Variants in SETDB2 observed in about 807,000 individuals in gnomAD.
SETDB2 encodes the protein SET domain bifurcated histone lysine methyltransferase 2.
In SETDB2, 56 loss-of-function variants were observed where a neutral mutation model predicts 82.5. The ratio of observed to expected loss-of-function variants is 0.68; its 90% CI spans 0.55 to 0.85. The LOEUF is 0.85. Among genes scored for constraint, SETDB2 ranks in the 40% least tolerant of loss-of-function variants. The pLI, the probability that SETDB2 is intolerant of heterozygous loss-of-function variation, is 0.00. For missense variants in SETDB2, 677 were observed against 816.4 expected (o/e 0.83, Z 2.08); for synonymous variants, 272 against 284.9 (o/e 0.95, Z 0.46).
intron 4 of SETDB2, among the ~76,000 whole-genome samples, chr13:49,466,479 A>G (rs938178845): frequency 6.6e-6 from 1 of 151,956 alleles, no homozygotes; most frequent in Non-Finnish European, 1.5e-5. Context: ...AATGTGTAAC[A>G]TCTCAACACA....
At chr13:49,455,193 G>A (rs1455584551) in intron 2 of SETDB2, among the ~76,000 whole-genome samples, 2 of 152,078 alleles carry the variant, frequency 1.3e-5, no homozygotes, top group Non-Finnish European at 2.9e-5. Context: ...TACTTTGGTT[G>A]AACTGAATAA....
chr13:49,452,872 A>G (rs955830566), intron 2 of SETDB2, among the ~76,000 whole-genome samples: 1 of 152,180 alleles, frequency 6.6e-6, no homozygotes, highest in African/African-American at 2.4e-5. Flanking sequence ...CATCATATCA[A>G]GGGTACATGC....
chr13:49,450,935 A>G (rs961897069), intron 1 of SETDB2, among the ~76,000 whole-genome samples: 18 of 148,054 alleles, frequency 1.2e-4, no homozygotes, highest in Non-Finnish European at 6.0e-5. Flanking sequence ...TCGAATATAG[A>G]GGTTTATATT....
rs756985000 is a variant in SETDB2, at chr13:49,491,886, C to G, written c.*37C>G. The G allele has an allele frequency of 1.4e-6, 2 of 1,417,748 alleles. No individual in the cohort carries two copies. Among genetic ancestry groups the G allele is most frequent in the Non-Finnish European group, 1.0e-6 (1 of 1,002,708 alleles). 87.8% of individuals were successfully genotyped at this position (1,417,748 alleles called of 1,614,324 possible). ...ACGCCTGTTTGTGAAATTAGCTTATCAGGCTGAAATTAAAGCCATGCAAAA... is the reference window on the plus strand; with the variant it reads ...ACGCCTGTTTGTGAAATTAGCTTATGAGGCTGAAATTAAAGCCATGCAAAA... On this transcript the variant is annotated 3_prime_UTR_variant, in exon 14 of 14. Coordinates refer to ENST00000611815, the MANE Select transcript of SETDB2 (RefSeq NM_001160308.3).
chr13:49,467,892 G>C lies in SETDB2; in HGVS notation c.237G>C (p.Gln79His), dbSNP rs746914934. 3.8e-6 allele frequency: 6 copies of C among 1,595,460 alleles called. No individual in the cohort carries two copies. The highest frequency in any genetic ancestry group is 1.1e-5 in the South Asian group (1 of 89,114). ...CTATGCCTGTGACTCAGAAGGAACA[G>C]GAAAACAAATCCAATGCATTTCCCT... The part of the protein sequence containing the change: ...KDPMPVTQKE[Q>H]ENKSNAFPST... Residue 79 changes from glutamine to histidine, a missense_variant, in exon 5 of 14, where the codon CAG (glutamine) becomes CAC (histidine). Physicochemically the swap from Gln to His is conservative, Grantham distance 24. Around this residue, in one of 3 missense-constraint regions of SETDB2, gnomAD observed 243 missense variants for 237.2 expected, o/e 1.02. Transcript: ENST00000611815.
intron 2 of SETDB2, among the ~76,000 whole-genome samples, chr13:49,459,527 GTTT>G (rs960944449): frequency 2.0e-5 from 3 of 151,994 alleles, no homozygotes; most frequent in African/African-American, 7.2e-5. Flanking sequence ...ACTTATAATT[GTTT>G]TTCTTATATT....
rs755620735 is a variant in SETDB2, at chr13:49,476,943, A to AGTACAGAAAGACT, written c.776_788dup (p.Trp264GlnfsTer10). On this transcript the variant is annotated frameshift_variant, in exon 6 of 14. Transcript: ENST00000611815. LOFTEE classifies it high-confidence loss of function. ...GACAGTAGAAAGCTCCCACAGTTTA[A>AGTACAGAAAGACT]GTACAGAAAGACTGTGTGGCCTCGA... 5 of 1,614,164 alleles carry AGTACAGAAAGACT rather than the reference A, an allele frequency of 3.1e-6. No homozygotes were observed. Among genetic ancestry groups the AGTACAGAAAGACT allele is most frequent in the Non-Finnish European group, 8.5e-7 (1 of 1,180,020 alleles).
intron 11 of SETDB2, 97 bp downstream of exon 11, chr13:49,485,820 A>C (rs781460680): frequency 9.6e-7 from 1 of 1,043,070 alleles, no homozygotes; most frequent in Admixed American, 1.7e-5. Flanking sequence ...TCCATAATAA[A>C]CATGCTGCAT....
chr13:49,446,938 A>G (rs184299111), intron 1 of SETDB2, among the ~76,000 whole-genome samples: 1 of 152,208 alleles, frequency 6.6e-6, no homozygotes, highest in Middle Eastern at 3.2e-3. Context: ...TTAATAGGTC[A>G]TGCTAAATTT....
chr13:49,489,596 C>CTTTTTTTT (rs58715452), intron 12 of SETDB2, among the ~76,000 whole-genome samples: 7 of 100,558 alleles, frequency 7.0e-5, no homozygotes, highest in Admixed American at 1.4e-4. Flanking sequence ...CATATTTATT[C>CTTTTTTTT]TTTTTTTTTT....
chr13:49,485,755 T>C (rs111867984), intron 11 of SETDB2, 32 bp downstream of exon 11: 1 of 1,520,840 alleles, frequency 6.6e-7, no homozygotes, highest in Non-Finnish European at 9.1e-7. Context: ...AATGCCTACC[T>C]CTTCTGCCTG....
chr13:49,474,490 G>C (rs1354301553), intron 5 of SETDB2, among the ~76,000 whole-genome samples: 1 of 152,124 alleles, frequency 6.6e-6, no homozygotes, highest in African/African-American at 2.4e-5. Flanking sequence ...AATATGTTCT[G>C]CAACAGTATC....
chr13:49,444,461 C>G lies in SETDB2; in HGVS notation c.-738C>G, dbSNP rs1460821316. On this transcript the variant is annotated 5_prime_UTR_variant, in exon 1 of 14. Coordinates refer to ENST00000611815, the MANE Select transcript of SETDB2 (RefSeq NM_001160308.3). Reference sequence around the variant, plus strand: ...AGCCTTGCCAACGGAGCTGGCGGAGCTCACTCCTCAGGTCAGGCGGGCGGC... The same window carrying G: ...AGCCTTGCCAACGGAGCTGGCGGAGGTCACTCCTCAGGTCAGGCGGGCGGC... 1 of 177,878 alleles carries G rather than the reference C, an allele frequency of 5.6e-6. No individual in the cohort carries two copies. Among genetic ancestry groups the G allele is most frequent in the East Asian group, 1.7e-4 (1 of 5,792 alleles). 11.0% of individuals were successfully genotyped at this position (177,878 alleles called of 1,614,324 possible). A position where few individuals can be genotyped will look rare whatever the true frequency, so the allele number is the denominator to read the frequency against.
chr13:49,457,644 C>T (rs771274303), intron 2 of SETDB2, among the ~76,000 whole-genome samples: 11 of 151,986 alleles, frequency 7.2e-5, no homozygotes, highest in Non-Finnish European at 1.6e-4. Context: ...CCGTGTTGGC[C>T]AGGCATGTCT....
intron 1 of SETDB2, among the ~76,000 whole-genome samples, chr13:49,450,711 A>G (rs1488468155): frequency 2.0e-5 from 3 of 151,952 alleles, no homozygotes; most frequent in Non-Finnish European, 4.4e-5. Flanking sequence ...TAAATCTCCT[A>G]ACATTTCCAT....
chr13:49,476,477 A>T lies in SETDB2; in HGVS notation c.307A>T (p.Thr103Ser). Residue 103 changes from threonine to serine, a missense_variant and splice_region_variant, in exon 6 of 14, where the codon ACA becomes TCA. Transcript: ENST00000611815. ...CTAATGAATAATTTATTTTAACAGA[A>T]CAACAGAAAATAAGGAAATTCTCTC... ...NSFPEDCTFL[T>S]TENKEILSLE... is the part of the protein sequence containing the mutation. 1 of 1,546,188 alleles carries T rather than the reference A, an allele frequency of 6.5e-7. No individual in the cohort carries two copies. Among genetic ancestry groups the T allele is most frequent in the African/African-American group, 1.4e-5 (1 of 72,080 alleles).
rs1425367582 is a variant in SETDB2, at chr13:49,481,070, C to T, written c.1110C>T (p.Arg370=). Residue 370 remains arginine (R), a synonymous_variant, in exon 8 of 14, where the codon CGC becomes CGT. Transcript: ENST00000611815. The part of the protein sequence containing the change: ...FKTEQKGWGV[R]CLDDIDRGTF... Reference sequence around the variant, plus strand: ...CTGAGCAGAAGGGATGGGGTGTACGCTGTCTAGATGACATTGACAGAGGGA... The same window carrying T: ...CTGAGCAGAAGGGATGGGGTGTACGTTGTCTAGATGACATTGACAGAGGGA... The T allele has an allele frequency of 2.5e-6, 4 of 1,614,076 alleles. No individual in the cohort carries two copies. Among genetic ancestry groups the T allele is most frequent in the Non-Finnish European group, 3.4e-6 (4 of 1,179,944 alleles).
chr13:49,447,074 T>C (rs558354891), intron 1 of SETDB2, among the ~76,000 whole-genome samples: 1 of 152,320 alleles, frequency 6.6e-6, no homozygotes, highest in East Asian at 1.9e-4. Context: ...GGCTGCAAAT[T>C]ATATTTTTAA....
intron 2 of SETDB2, among the ~76,000 whole-genome samples, chr13:49,456,426 T>C (rs1445327921): frequency 6.6e-6 from 1 of 152,108 alleles, no homozygotes; most frequent in Non-Finnish European, 1.5e-5. Context: ...TGCCTCATGG[T>C]TATAGTCTTG....
Sources: gnomAD v4.1 joint callset for allele counts (sites outside exome capture counted in the v4.1 genomes callset) on GRCh38, gnomAD v4.1.1 for gene constraint, gnomAD v4.1.1 regional missense constraint, MANE v1.5 for transcripts, NCBI Gene and HGNC (gene_info 2026-07-23, HGNC 2026-07-21) for gene names.